ENAH: variants seen among roughly 807,000 people sequenced by gnomAD.
The protein encoded by ENAH is ENAH actin regulator.
A neutral mutation model predicts 78.7 loss-of-function variants in ENAH; 23 were observed. That is an observed-to-expected ratio of 0.29 (90% CI 0.21 to 0.41). The LOEUF (loss-of-function observed/expected upper bound fraction) is 0.41. Ranked by LOEUF, ENAH falls within the 10% of genes least tolerant of loss-of-function variation. ENAH has a pLI of 1.00. For missense variants in ENAH, 544 were observed against 691.0 expected (o/e 0.79, Z 2.39); for synonymous variants, 226 against 241.0 (o/e 0.94, Z 0.58).
rs112014685 is a variant in ENAH, at chr1:225,570,388, A to AT, written c.6-2975dup. ...ACTGCGCAGGTCCACTTATACATGG[A>AT]TTTTTTTTTTCCAGTGTTTTTCAGT... On this transcript the variant is annotated intron_variant, in intron 1 of 13. Transcript: ENST00000366843. Among the ~76,000 whole-genome samples, 726 of 148,620 alleles carry AT rather than the reference A, an allele frequency of 4.9e-3. 2 individuals are homozygous for AT. Among genetic ancestry groups the AT allele is most frequent in the Non-Finnish European group, 8.0e-3 (535 of 67,028 alleles).
intron 1 of ENAH, among the ~76,000 whole-genome samples, chr1:225,636,034 T>C (rs996431379): frequency 6.6e-6 from 1 of 152,222 alleles, no homozygotes; most frequent in Admixed American, 6.5e-5. Flanking sequence ...TTTTCAGACT[T>C]ACCAGCTCCC....
chr1:225,596,243 C>T (rs933051844), intron 1 of ENAH, among the ~76,000 whole-genome samples: 7 of 152,132 alleles, frequency 4.6e-5, no homozygotes, highest in Admixed American at 2.6e-4. Flanking sequence ...ATTGAAAAAC[C>T]GAATTTTCAG....
At chr1:225,549,333 T>G (rs994019789) in intron 3 of ENAH, among the ~76,000 whole-genome samples, 4 of 152,174 alleles carry the variant, frequency 2.6e-5, no homozygotes, top group Admixed American at 2.6e-4. Flanking sequence ...ACCAAATGTG[T>G]TATCTGCAGC....
At chr1:225,538,954 G>A (rs943571971) in intron 3 of ENAH, among the ~76,000 whole-genome samples, 1 of 152,108 alleles carries the variant, frequency 6.6e-6, no homozygotes, top group Non-Finnish European at 1.5e-5. Context: ...TCCTCTTCCT[G>A]AACACAGATC....
At chr1:225,594,541 A>G (rs1020215252) in intron 1 of ENAH, among the ~76,000 whole-genome samples, 1 of 152,094 alleles carries the variant, frequency 6.6e-6, no homozygotes, top group African/African-American at 2.4e-5. Flanking sequence ...CTGCAGGGAT[A>G]CTCCTACCAC....
rs1195090821 is a variant in ENAH at position 225,496,345 on chromosome 1, A to AC, written c.*1429dup. The AC allele has an allele frequency of 6.6e-6, 1 of 152,156 alleles. No individual in the cohort carries two copies. Among genetic ancestry groups the AC allele is most frequent in the South Asian group, 2.1e-4 (1 of 4,828 alleles). The allele number at this position is 152,156 out of a possible 1,614,324, so 9.4% of individuals were successfully genotyped here. A position where few individuals can be genotyped will look rare whatever the true frequency, so the allele number is the denominator to read the frequency against. On this transcript the variant is annotated 3_prime_UTR_variant, in exon 14 of 14. Coordinates refer to ENST00000366843, the MANE Select transcript of ENAH (RefSeq NM_018212.6). ...CCTTCTTCCCACCTTCCTTCTTCCC[A>AC]CCACCCAAGTCTCACTTTACTTATT...
intron 1 of ENAH, among the ~76,000 whole-genome samples, chr1:225,616,143 G>A (rs1021681316): frequency 6.6e-6 from 1 of 152,048 alleles, no homozygotes; most frequent in Non-Finnish European, 1.5e-5. Context: ...TGCTGGTTAA[G>A]AGTCATCACC....
At chr1:225,551,729 T>C (rs1244256276) in intron 3 of ENAH, among the ~76,000 whole-genome samples, 2 of 152,076 alleles carry the variant, frequency 1.3e-5, no homozygotes, top group East Asian at 1.9e-4. Flanking sequence ...ACCTAATAAA[T>C]AAAAATACAA....
intron 3 of ENAH, chr1:225,535,471 A>C: frequency 7.8e-7 from 1 of 1,277,748 alleles, no homozygotes; most frequent in Non-Finnish European, 1.0e-6. Flanking sequence ...CATGTACCAC[A>C]GCTTGAAAAA....
In ENAH at chr1:225,628,074, C is replaced by T. The variant is rs372291406; in HGVS notation, c.5+24612G>A. ...GAAACTGGTAAACCAGGCTTTCCTT[C>T]TTTCTAATCCAATCTCAACCACGAT... is the stretch of plus-strand genomic sequence containing the variant. On this transcript the variant is annotated intron_variant, in intron 1 of 13. Coordinates refer to ENST00000366843, the MANE Select transcript of ENAH (RefSeq NM_018212.6). 2.6e-5 allele frequency among the ~76,000 whole-genome samples: 4 copies of T among 152,364 alleles called. No homozygotes were observed. The South Asian group carries it at 8.3e-4, about 32-fold the overall frequency.
chr1:225,513,945 C>T (rs1396864816), intron 7 of ENAH, among the ~76,000 whole-genome samples: 17 of 151,616 alleles, frequency 1.1e-4, no homozygotes, highest in African/African-American at 3.6e-4. Flanking sequence ...GCTGAGATCG[C>T]GCCATGGCAC....
At chr1:225,602,313 T>G (rs991692631) in intron 1 of ENAH, among the ~76,000 whole-genome samples, 1 of 152,108 alleles carries the variant, frequency 6.6e-6, no homozygotes, top group African/African-American at 2.4e-5. Context: ...TAAGAAACAT[T>G]CTATTCTTAT....
chr1:225,611,459 C>T (rs1402561577), intron 1 of ENAH, among the ~76,000 whole-genome samples: 1 of 152,118 alleles, frequency 6.6e-6, no homozygotes, highest in African/African-American at 2.4e-5. Context: ...GCTGGGACTA[C>T]AAGCGTGCAT....
intron 1 of ENAH, among the ~76,000 whole-genome samples, chr1:225,634,796 CTTACTATGCCT>C (rs1012432709): frequency 4.6e-5 from 7 of 152,276 alleles, no homozygotes; most frequent in South Asian, 4.1e-4. Flanking sequence ...CTTACTATGC[CTTACTATGCCT>C]TTACCTGTTT....
In ENAH at chr1:225,552,420, G is replaced by A. The variant is rs560232146; in HGVS notation, c.349+2486C>T. ...CCCAAAGTGCTGGGATTACAGGCGT[G>A]AGCCACCGTGCCCGGCCCTGATTCT... On this transcript the variant is annotated intron_variant, in intron 3 of 13. Coordinates refer to ENST00000366843, the MANE Select transcript of ENAH (RefSeq NM_018212.6). Among the ~76,000 whole-genome samples the A allele has an allele frequency of 1.4e-3, 212 of 152,196 alleles. 2 individuals are homozygous for A. Among genetic ancestry groups the A allele is most frequent in the Non-Finnish European group, 1.2e-3 (85 of 68,002 alleles).
intron 11 of ENAH, chr1:225,504,965 A>G: frequency 4.4e-6 from 7 of 1,590,500 alleles, no homozygotes; most frequent in Non-Finnish European, 6.0e-6. Flanking sequence ...AAAGTCTCAA[A>G]TCACAACGTC....
intron 12 of ENAH, among the ~76,000 whole-genome samples, chr1:225,500,068 G>A (rs942118892): frequency 1.3e-4 from 20 of 152,250 alleles, no homozygotes; most frequent in African/African-American, 4.3e-4. Context: ...GAAGCGTGTG[G>A]AAGTGCTCTA....
chr1:225,513,115 T>A, intron 7 of ENAH, 99 bp from the exon 8 acceptor site: 1 of 1,091,980 alleles, frequency 9.2e-7, no homozygotes, highest in Non-Finnish European at 1.3e-6. Context: ...CAGCATTAAT[T>A]TTAAAAAACC....
rs890220779 is a variant in ENAH, at chr1:225,642,429, T to C, written c.5+10257A>G. On this transcript the variant is annotated intron_variant, in intron 1 of 13. Transcript: ENST00000366843. ...CATGTTGTCATGAGGAGGCTGCTATTGTTAAGTGAGCGATGAGGCAGAGGG... is the reference window on the plus strand; with the variant it reads ...CATGTTGTCATGAGGAGGCTGCTATCGTTAAGTGAGCGATGAGGCAGAGGG... Among the ~76,000 whole-genome samples the C allele has an allele frequency of 2.6e-5, 4 of 152,116 alleles. No homozygotes were observed. In the South Asian group the frequency reaches 8.3e-4, roughly 32 times the overall value.
Sources: gnomAD v4.1 joint callset for allele counts (sites outside exome capture counted in the v4.1 genomes callset) on GRCh38, gnomAD v4.1.1 for gene constraint, MANE v1.5 for transcripts, NCBI Gene and HGNC (gene_info 2026-07-23, HGNC 2026-07-21) for gene names.